The following ASAP2 variants were observed in gnomAD, a reference collection of about 807,000 sequenced individuals.
ASAP2 encodes ArfGAP with SH3 domain, ankyrin repeat and PH domain 2.
A neutral mutation model predicts 131.4 loss-of-function variants in ASAP2; 45 were observed. The observed-to-expected ratio is 0.34, with a 90% confidence interval of 0.27 to 0.44. ASAP2 has a LOEUF of 0.44. Ranked by LOEUF, ASAP2 falls within the 20% of genes least tolerant of loss-of-function variation. The pLI is 1.00. For synonymous variants in ASAP2, 510 were observed against 503.0 expected, an observed-to-expected ratio of 1.01 and a Z score of -0.19; for missense variants, 1,011 against 1,297.0, an observed-to-expected ratio of 0.78 and a Z score of 3.39.
At chr2:9,304,622 G>A (rs1668712224) in intron 3 of ASAP2, among the ~76,000 whole-genome samples, 2 of 151,012 alleles carry the variant, frequency 1.3e-5, no homozygotes, top group Non-Finnish European at 1.5e-5. Context: ...AGAGGCTGGA[G>A]TAGTGGAGTA....
intron 25 of ASAP2, among the ~76,000 whole-genome samples, chr2:9,400,278 T>C (rs1315333898): frequency 7.3e-3 from 191 of 26,166 alleles, no homozygotes; most frequent in African/African-American, 0.011. Flanking sequence ...CTCTCCTTCC[T>C]TCCCTCCTTC....
At chr2:9,221,707 G>A (rs35894198) in intron 1 of ASAP2, among the ~76,000 whole-genome samples, 15,229 of 152,176 alleles carry the variant, frequency 0.1, 1,066 homozygotes, top group South Asian at 0.17. Flanking sequence ...ATTTGTATGT[G>A]TATTCCTTAG....
rs191063925 is a variant in ASAP2 at position 9,300,189 on chromosome 2, C to T, written c.345+2744C>T. Among the ~76,000 whole-genome samples the T allele has an allele frequency of 5.9e-5, 9 of 152,334 alleles. No individual in the cohort carries two copies. In the East Asian group the frequency reaches 1.2e-3, roughly 20 times the overall value. On this transcript the variant is annotated intron_variant, in intron 3 of 27. Coordinates refer to ENST00000281419, the MANE Select transcript of ASAP2 (RefSeq NM_003887.3). ...CGGAGATTGCAGTGAGCTGACATCA[C>T]GCCCCTGTACTCCACCTGGGCGACA... is the stretch of plus-strand genomic sequence containing the variant.
At chr2:9,248,176 G>C (rs937281701) in intron 1 of ASAP2, among the ~76,000 whole-genome samples, 3 of 152,246 alleles carry the variant, frequency 2.0e-5, no homozygotes, top group African/African-American at 7.2e-5. Flanking sequence ...CATCAGTGTG[G>C]TGGCCAGCAG....
chr2:9,331,948 G>A (rs569277081), intron 7 of ASAP2, among the ~76,000 whole-genome samples: 1 of 152,198 alleles, frequency 6.6e-6, no homozygotes, highest in South Asian at 2.1e-4. Flanking sequence ...AGGGGCGGGT[G>A]TCACAGACAG....
At chr2:9,375,070 G>C in intron 17 of ASAP2, 126 bp downstream of exon 17, 2 of 567,496 alleles carry the variant, frequency 3.5e-6, no homozygotes, top group Non-Finnish European at 5.3e-6. Flanking sequence ...AGGAGTTTGA[G>C]ATCAGCCTGG....
At chr2:9,220,372 A>G (rs1236518612) in intron 1 of ASAP2, among the ~76,000 whole-genome samples, 1 of 152,144 alleles carries the variant, frequency 6.6e-6, no homozygotes, top group Non-Finnish European at 1.5e-5. Context: ...ATTTCTCCAC[A>G]TCCTTGACAA....
chr2:9,267,977 G>A (rs1237230232), intron 1 of ASAP2, among the ~76,000 whole-genome samples: 1 of 150,792 alleles, frequency 6.6e-6, no homozygotes, highest in Non-Finnish European at 1.5e-5. Flanking sequence ...CCGCAGGCCT[G>A]TCCCATCGTA....
chr2:9,244,312 A>G (rs551905309), intron 1 of ASAP2, among the ~76,000 whole-genome samples: 18 of 152,328 alleles, frequency 1.2e-4, no homozygotes, highest in East Asian at 7.7e-4. Flanking sequence ...ACAACAATAA[A>G]AAGAATTTGA....
intron 2 of ASAP2, among the ~76,000 whole-genome samples, chr2:9,292,324 C>T (rs1464260857): frequency 6.6e-6 from 1 of 151,982 alleles, no homozygotes; most frequent in Non-Finnish European, 1.5e-5. Flanking sequence ...TCAAGACCAG[C>T]CTGGCCAATA....
chr2:9,398,156 G>A (rs995480453), intron 24 of ASAP2, among the ~76,000 whole-genome samples: 1 of 151,904 alleles, frequency 6.6e-6, no homozygotes, highest in African/African-American at 2.4e-5. Flanking sequence ...TTTTTATGTA[G>A]TCTGGGGCTG....
chr2:9,380,003 A>T lies in ASAP2; in HGVS notation c.1949-738A>T, dbSNP rs914364002. On this transcript the variant is annotated intron_variant, in intron 19 of 27. Transcript: ENST00000281419. ...AAGACTCCATCTCAAAAAAAAAAAA[A>T]TAAATAAAGTATATACTTTCAGGGT... is the stretch of plus-strand genomic sequence containing the variant. 1.7e-3 allele frequency among the ~76,000 whole-genome samples: 243 copies of T among 146,118 alleles called. 2 individuals carry two copies. The highest frequency in any genetic ancestry group is 4.9e-3 in the African/African-American group (194 of 39,442).
chr2:9,340,885 G>T (rs1428008090), intron 9 of ASAP2, among the ~76,000 whole-genome samples: 4 of 152,324 alleles, frequency 2.6e-5, no homozygotes, highest in Non-Finnish European at 1.5e-5. Flanking sequence ...CTGAGAACTT[G>T]TCTGGGTGTC....
At chr2:9,210,837 A>C (rs1435368507) in intron 1 of ASAP2, among the ~76,000 whole-genome samples, 1 of 151,406 alleles carries the variant, frequency 6.6e-6, no homozygotes, top group East Asian at 2.0e-4. Context: ...CTGGGATTAC[A>C]GGTGACCCAT....
At position 9,393,563 on chromosome 2, in the gene ASAP2, C is replaced by T. The variant is rs867683967; in HGVS notation, c.2600C>T (p.Ala867Val). 6.3e-7 allele frequency: 1 copy of T among 1,599,242 alleles called. No individual in the cohort carries two copies. The highest frequency in any genetic ancestry group is 8.5e-7 in the Non-Finnish European group (1 of 1,173,982). ...MEALSQPSKP[A>V]PPGISQIRPP... ...GCCTTGAGCCAGCCGAGCAAGCCTG[C>T]CCCGCCTGGGATCTCACAGATCAGG... Residue 867 changes from alanine (A) to valine (V), a missense_variant, in exon 24 of 28, where the codon GCC becomes GTC. Ala to Val is a moderately conservative substitution (Grantham distance 64). Coordinates refer to ENST00000281419, the MANE Select transcript of ASAP2 (RefSeq NM_003887.3).
chr2:9,393,788 G>T (rs1389350104), intron 24 of ASAP2, 141 bp downstream of exon 24: 1 of 895,796 alleles, frequency 1.1e-6, no homozygotes, highest in Non-Finnish European at 1.6e-6. Flanking sequence ...GGGGCTGAAG[G>T]GTCTTAAAAA....
At chr2:9,349,295 C>G (rs1054127381) in intron 11 of ASAP2, among the ~76,000 whole-genome samples, 2 of 152,082 alleles carry the variant, frequency 1.3e-5, no homozygotes, top group Non-Finnish European at 2.9e-5. Flanking sequence ...TTGGAAGTAG[C>G]CCTAAAATTT....
intron 21 of ASAP2, among the ~76,000 whole-genome samples, chr2:9,387,223 A>AAAAAAAAAC (rs1488603753): frequency 2.6e-5 from 4 of 151,584 alleles, no homozygotes; most frequent in Admixed American, 6.6e-5. Flanking sequence ...CAAAAAAAAA[A>AAAAAAAAAC]AAAACCATAT....
At chr2:9,255,202 T>G (rs1464223954) in intron 1 of ASAP2, among the ~76,000 whole-genome samples, 1 of 152,232 alleles carries the variant, frequency 6.6e-6, no homozygotes, top group Non-Finnish European at 1.5e-5. Context: ...TCTTCTTTGA[T>G]GTTATGTGTC....
Sources: allele counts gnomAD v4.1 joint callset (sites outside exome capture counted in the v4.1 genomes callset), GRCh38; gene constraint gnomAD v4.1.1; transcripts MANE v1.5; gene names NCBI Gene and HGNC (gene_info 2026-07-23, HGNC 2026-07-21).